SLC39A11: variants seen among roughly 807,000 people sequenced by gnomAD.
SLC39A11 encodes zinc transporter ZIP11.
Under a neutral mutation model 36.1 loss-of-function variants are expected in SLC39A11, and 33 were observed. The ratio of observed to expected loss-of-function variants is 0.91; its 90% CI spans 0.69 to 1.22. The LOEUF is 1.22. Among genes scored for constraint, SLC39A11 ranks in the 50% most tolerant of loss-of-function variants. The pLI, the probability that SLC39A11 is intolerant of heterozygous loss-of-function variation, is 0.00. For synonymous variants in SLC39A11, 166 were observed against 170.3 expected (o/e 0.97, Z 0.20); for missense variants, 432 against 430.3 (o/e 1.00, Z -0.03).
chr17:72,674,023 G>A (rs1326225260), intron 7 of SLC39A11, among the ~76,000 whole-genome samples: 2 of 152,182 alleles, frequency 1.3e-5, no homozygotes, highest in South Asian at 2.1e-4. Context: ...AGCTGAGATC[G>A]TGCCACTGCA....
intron 3 of SLC39A11, among the ~76,000 whole-genome samples, chr17:73,052,916 G>A (rs1246913465): frequency 1.3e-5 from 2 of 152,172 alleles, no homozygotes; most frequent in East Asian, 3.9e-4. Context: ...GGCCAGGCTG[G>A]TCTCGAACTC....
chr17:73,080,027 G>T (rs1316353330), intron 3 of SLC39A11, among the ~76,000 whole-genome samples: 2 of 152,014 alleles, frequency 1.3e-5, no homozygotes, highest in African/African-American at 2.4e-5. Context: ...CACACAGATG[G>T]GTAGAATCAA....
chr17:72,945,043 A>AGATGGATG (rs139488879), intron 5 of SLC39A11, among the ~76,000 whole-genome samples: 2,399 of 151,038 alleles, frequency 0.016, 86 homozygotes, highest in East Asian at 0.14. Flanking sequence ...AGCTAATTGG[A>AGATGGATG]GATGGATGGA....
intron 4 of SLC39A11, among the ~76,000 whole-genome samples, chr17:72,959,435 G>A (rs1299300387): frequency 1.3e-5 from 2 of 148,968 alleles, no homozygotes; most frequent in African/African-American, 5.0e-5. Flanking sequence ...GGATGAGATT[G>A]GTGACTATTA....
intron 6 of SLC39A11, among the ~76,000 whole-genome samples, chr17:72,841,616 C>G (rs1474195566): frequency 6.6e-6 from 1 of 152,090 alleles, no homozygotes; most frequent in African/African-American, 2.4e-5. Flanking sequence ...ATAGATGAGT[C>G]AGACCTAGTA....
chr17:72,950,047 T>C (rs1396604648), intron 4 of SLC39A11, among the ~76,000 whole-genome samples: 1 of 151,976 alleles, frequency 6.6e-6, no homozygotes, highest in Non-Finnish European at 1.5e-5. Context: ...AAAGAGAACC[T>C]AATGATTCAG....
rs189547952 is a variant in SLC39A11 at position 72,665,703 on chromosome 17, C to T, written c.672-16435G>A. On this transcript the variant is annotated intron_variant, in intron 7 of 9. Coordinates refer to ENST00000255559, the MANE Select transcript of SLC39A11 (RefSeq NM_139177.4). Reference sequence around the variant, plus strand: ...CACCCAACCAAGTTTTGAGGTATTCCGTTACGCAGCAATAAGTAACTAATA... The same window carrying T: ...CACCCAACCAAGTTTTGAGGTATTCTGTTACGCAGCAATAAGTAACTAATA... Among the ~76,000 whole-genome samples the T allele has an allele frequency of 1.6e-4, 25 of 152,122 alleles. No individual in the cohort carries two copies. In the East Asian group the frequency reaches 4.3e-3, roughly 26 times the overall value.
intron 4 of SLC39A11, among the ~76,000 whole-genome samples, chr17:72,984,148 G>A (rs10512593): frequency 0.54 from 82,123 of 151,862 alleles, 22,895 homozygotes; most frequent in Middle Eastern, 0.7. Flanking sequence ...CAGGCCCATC[G>A]AATTGCCACT....
At chr17:73,014,857 G>A (rs916463226) in intron 4 of SLC39A11, among the ~76,000 whole-genome samples, 7 of 152,088 alleles carry the variant, frequency 4.6e-5, no homozygotes, top group African/African-American at 7.2e-5. Flanking sequence ...GTATTCGTGC[G>A]TGACATCTTC....
At chr17:73,049,064 A>T (rs1026874987) in intron 3 of SLC39A11, among the ~76,000 whole-genome samples, 3 of 152,226 alleles carry the variant, frequency 2.0e-5, no homozygotes, top group Non-Finnish European at 4.4e-5. Context: ...GCTATGTATA[A>T]GTGAGCTGCT....
In SLC39A11 at chr17:72,967,431, A is replaced by G. The variant is rs1229781692; in HGVS notation, c.307-19556T>C. 4.9e-5 allele frequency among the ~76,000 whole-genome samples: 6 copies of G among 123,518 alleles called. No homozygotes were observed. The South Asian group carries it at 1.7e-3, about 34-fold the overall frequency. 81.0% of individuals were successfully genotyped at this position (123,518 alleles called of 152,430 possible). ...GTGTGTGTGTGTTTTCCTTTTATCT[A>G]GAAGACCAGCTCCTAAGCATATCCT... On this transcript the variant is annotated intron_variant, in intron 4 of 9. Transcript: ENST00000255559.
intron 7 of SLC39A11, among the ~76,000 whole-genome samples, chr17:72,681,135 C>G (rs1044316960): frequency 6.6e-6 from 1 of 152,104 alleles, no homozygotes; most frequent in African/African-American, 2.4e-5. Context: ...CCATGTTGAC[C>G]AGGCTGGTCT....
At chr17:72,801,660 A>AT (rs1414642823) in intron 6 of SLC39A11, among the ~76,000 whole-genome samples, 2 of 152,234 alleles carry the variant, frequency 1.3e-5, no homozygotes, top group Non-Finnish European at 2.9e-5. Flanking sequence ...CTGTCTAAAA[A>AT]TTTACTATGT....
intron 7 of SLC39A11, among the ~76,000 whole-genome samples, chr17:72,673,435 C>A (rs1455116258): frequency 6.6e-6 from 1 of 152,142 alleles, no homozygotes; most frequent in Non-Finnish European, 1.5e-5. Context: ...TTTGCCAACA[C>A]TGAGGATGAG....
At chr17:72,738,549 G>A (rs1296703618) in intron 6 of SLC39A11, among the ~76,000 whole-genome samples, 12 of 152,128 alleles carry the variant, frequency 7.9e-5, no homozygotes, top group Admixed American at 2.0e-4. Context: ...ATCTGATGGC[G>A]CAGCGAGGGT....
intron 1 of SLC39A11, among the ~76,000 whole-genome samples, chr17:73,090,572 G>A (rs2060891676): frequency 6.6e-6 from 1 of 152,164 alleles, no homozygotes; most frequent in South Asian, 2.1e-4. Context: ...ACAAAGAACA[G>A]CACAAAGGGA....
intron 7 of SLC39A11, among the ~76,000 whole-genome samples, chr17:72,691,686 C>T (rs1204341507): frequency 2.6e-5 from 4 of 152,182 alleles, no homozygotes; most frequent in Non-Finnish European, 5.9e-5. Context: ...TAAGTGGAAA[C>T]TAAATAAAAA....
At chr17:72,800,515 T>C (rs996643460) in intron 6 of SLC39A11, among the ~76,000 whole-genome samples, 1 of 152,058 alleles carries the variant, frequency 6.6e-6, no homozygotes, top group African/African-American at 2.4e-5. Flanking sequence ...TTCGCCACGT[T>C]GGCCAGGCTG....
intron 5 of SLC39A11, among the ~76,000 whole-genome samples, chr17:72,851,453 G>A (rs575216457): frequency 1.3e-5 from 2 of 152,168 alleles, no homozygotes; most frequent in Admixed American, 6.5e-5. Flanking sequence ...ACAGAATGAA[G>A]GGTCCCTTTA....
Sources: gnomAD v4.1 joint callset for allele counts (sites outside exome capture counted in the v4.1 genomes callset) on GRCh38, gnomAD v4.1.1 for gene constraint, MANE v1.5 for transcripts, NCBI Gene and HGNC (gene_info 2026-07-23, HGNC 2026-07-21) for gene names.